PRR16: variants seen among roughly 807,000 people sequenced by gnomAD.
PRR16 encodes the protein protein Largen.
A neutral mutation model predicts 18.2 loss-of-function variants in PRR16; 6 were observed. The ratio of observed to expected loss-of-function variants is 0.33; its 90% CI spans 0.18 to 0.65. The LOEUF (loss-of-function observed/expected upper bound fraction) is 0.65, where lower values mean the gene tolerates loss of function less well. PRR16 is among the 30% of genes least tolerant of loss of function. PRR16 has a pLI of 0.74. For synonymous variants in PRR16, 151 were observed against 147.8 expected (o/e 1.02, Z -0.16); for missense variants, 412 against 376.6 (o/e 1.09, Z -0.78).
At chr5:120,720,003 C>T in the PRR16 span, among the ~76,000 whole-genome samples, 1 of 151,968 alleles carries the variant, frequency 6.6e-6, no homozygotes, top group African/African-American at 2.4e-5. Flanking sequence ...CTATAAACCC[C>T]TGCACATAGT....
At chr5:120,743,153 CTT>C in the PRR16 span, among the ~76,000 whole-genome samples, 1 of 152,204 alleles carries the variant, frequency 6.6e-6, no homozygotes, top group Non-Finnish European at 1.5e-5. Flanking sequence ...CTCCCACACT[CTT>C]TTCTCCTTTT....
the PRR16 span, among the ~76,000 whole-genome samples, chr5:120,761,792 C>T: frequency 2.5e-4 from 38 of 152,180 alleles, 1 homozygote; most frequent in African/African-American, 9.1e-4. Flanking sequence ...CCCTACTCTG[C>T]TATTGAACAT....
chr5:120,487,214 T>C (rs1431423183), intron 1 of PRR16, among the ~76,000 whole-genome samples: 3 of 152,228 alleles, frequency 2.0e-5, no homozygotes, highest in African/African-American at 7.2e-5. Flanking sequence ...AGGGATGGCA[T>C]TGAATCTATA....
At chr5:120,566,470 A>T (rs1355869988) in intron 1 of PRR16, among the ~76,000 whole-genome samples, 1 of 152,118 alleles carries the variant, frequency 6.6e-6, no homozygotes, top group Non-Finnish European at 1.5e-5. Context: ...GTTGAGCTTT[A>T]TGTATATTAT....
At chr5:120,602,862 A>G (rs1242253010) in intron 1 of PRR16, among the ~76,000 whole-genome samples, 1 of 152,130 alleles carries the variant, frequency 6.6e-6, no homozygotes, top group Non-Finnish European at 1.5e-5. Flanking sequence ...GTGATGAATT[A>G]CATTTACTGA....
intron 1 of PRR16, among the ~76,000 whole-genome samples, chr5:120,549,134 C>T (rs1752170702): frequency 6.6e-6 from 1 of 151,996 alleles, no homozygotes; most frequent in South Asian, 2.1e-4. Flanking sequence ...GAGAGAGGCT[C>T]CTCCAGGCTG....
At chr5:120,619,681 TA>T (rs1331872983) in intron 1 of PRR16, among the ~76,000 whole-genome samples, 1 of 152,120 alleles carries the variant, frequency 6.6e-6, no homozygotes, top group African/African-American at 2.4e-5. Flanking sequence ...GAATCTATAT[TA>T]AAATATAGTA....
intron 1 of PRR16, among the ~76,000 whole-genome samples, chr5:120,535,044 T>G (rs927741671): frequency 6.6e-6 from 1 of 151,582 alleles, no homozygotes; most frequent in Non-Finnish European, 1.5e-5. Flanking sequence ...AAGGGATATG[T>G]AATTGAAATG....
chr5:120,714,745 C>A, the PRR16 span, among the ~76,000 whole-genome samples: 12 of 152,044 alleles, frequency 7.9e-5, no homozygotes, highest in Non-Finnish European at 1.6e-4. Flanking sequence ...AACTCAAAGG[C>A]CCATCAATGA....
At chr5:120,792,461 C>G in the PRR16 span, among the ~76,000 whole-genome samples, 1 of 152,172 alleles carries the variant, frequency 6.6e-6, no homozygotes, top group East Asian at 1.9e-4. Context: ...CTGCTATTCT[C>G]ACAAGTCAGT....
intron 1 of PRR16, among the ~76,000 whole-genome samples, chr5:120,667,848 A>C (rs1756447405): frequency 6.6e-6 from 1 of 151,940 alleles, no homozygotes; most frequent in South Asian, 2.1e-4. Context: ...GTTCTTTTAC[A>C]TTTGCTGAGG....
intron 1 of PRR16, among the ~76,000 whole-genome samples, chr5:120,573,136 C>T (rs1168292489): frequency 6.6e-6 from 1 of 152,124 alleles, no homozygotes; most frequent in African/African-American, 2.4e-5. Flanking sequence ...TGGGCATTTG[C>T]ATCAGATTAA....
At chr5:120,726,958 A>G in the PRR16 span, among the ~76,000 whole-genome samples, 1 of 152,170 alleles carries the variant, frequency 6.6e-6, no homozygotes, top group Admixed American at 6.6e-5. Flanking sequence ...GTCTTCTAAA[A>G]TATTTATTCA....
At chr5:120,767,130 C>T in the PRR16 span, among the ~76,000 whole-genome samples, 1,106 of 152,000 alleles carry the variant, frequency 7.3e-3, 20 homozygotes, top group African/African-American at 0.025. Context: ...TTGATGTGAA[C>T]ACAGCAAGAA....
chr5:120,667,535 A>T (rs970613544), intron 1 of PRR16, among the ~76,000 whole-genome samples: 3 of 150,618 alleles, frequency 2.0e-5, no homozygotes, highest in Admixed American at 6.6e-5. Context: ...TAGTTCTTTT[A>T]ATTGTGATGT....
At chr5:120,614,950 A>G (rs1394752560) in intron 1 of PRR16, among the ~76,000 whole-genome samples, 1 of 152,148 alleles carries the variant, frequency 6.6e-6, no homozygotes, top group Admixed American at 6.6e-5. Context: ...TACAAAGCCC[A>G]AGTTCTTGGT....
At chr5:120,538,272 T>A (rs912006192) in intron 1 of PRR16, among the ~76,000 whole-genome samples, 2 of 152,234 alleles carry the variant, frequency 1.3e-5, no homozygotes, top group Non-Finnish European at 2.9e-5. Context: ...TTCAAGCTAC[T>A]GGTTTAGTTT....
At chr5:120,730,223 TTTA>T in the PRR16 span, among the ~76,000 whole-genome samples, 1 of 152,158 alleles carries the variant, frequency 6.6e-6, no homozygotes, top group African/African-American at 2.4e-5. Flanking sequence ...ACTTTAGATA[TTTA>T]ATCTTAGCAG....
chr5:120,785,572 G>GTTTTTTTTTTTTT, the PRR16 span, among the ~76,000 whole-genome samples: 5,356 of 118,786 alleles, frequency 0.045, 827 homozygotes, highest in Non-Finnish European at 0.061. Context: ...TTTTGTTGTT[G>GTTTTTTTTTTTTT]TTGTTTTTTT....
Sources: allele counts gnomAD v4.1 joint callset (sites outside exome capture counted in the v4.1 genomes callset), GRCh38; gene constraint gnomAD v4.1.1; transcripts MANE v1.5; gene names NCBI Gene and HGNC (gene_info 2026-07-23, HGNC 2026-07-21).